HMCN2: variants seen among roughly 807,000 people sequenced by gnomAD.
HMCN2 encodes hemicentin-2.
A neutral mutation model predicts 377.5 loss-of-function variants in HMCN2; 325 were observed. The ratio of observed to expected loss-of-function variants is 0.86; its 90% CI spans 0.79 to 0.94. The LOEUF is 0.94. Ranked by LOEUF, HMCN2 falls within the 40% of genes least tolerant of loss-of-function variation. The probability of loss-of-function intolerance (pLI) is 0.00; values close to 1 mark genes in which losing one functional copy is unlikely to be tolerated. For synonymous variants in HMCN2, 2,007 were observed against 2,046.8 expected (o/e 0.98, Z 0.53); for missense variants, 4,543 against 4,725.3 (o/e 0.96, Z 1.13).
rs377271465 is a variant in HMCN2, at chr9:130,395,160, C to T, written c.10775-51C>T. 2.3e-4 allele frequency: 296 copies of T among 1,277,206 alleles called. No individual in the cohort carries two copies. In the African/African-American group the frequency reaches 2.8e-3, roughly 12 times the overall value. 79.1% of individuals were successfully genotyped at this position (1,277,206 alleles called of 1,614,324 possible). On this transcript the variant is annotated intron_variant, in intron 70 of 97. Coordinates refer to ENST00000683500, the MANE Select transcript of HMCN2 (RefSeq NM_001291815.2). ...AGGGCCGGGAGGCAGGACGGGCTCG[C>T]GGCAGGGGTGAGTCCCCCTCTCATA... is the stretch of plus-strand genomic sequence containing the variant.
At chr9:130,274,707 G>A (rs1293776721) in intron 1 of HMCN2, among the ~76,000 whole-genome samples, 1 of 152,120 alleles carries the variant, frequency 6.6e-6, no homozygotes, top group Non-Finnish European at 1.5e-5. Context: ...ATTCACTCGT[G>A]TTAAACATAC....
At chr9:130,401,809 C>T (rs1842864114) in intron 77 of HMCN2, among the ~76,000 whole-genome samples, 1 of 152,160 alleles carries the variant, frequency 6.6e-6, no homozygotes, top group Non-Finnish European at 1.5e-5. Context: ...CGCAGGGACT[C>T]ACGCCTGTAA....
At chr9:130,283,204 C>CCTG (rs1835226050) in intron 1 of HMCN2, among the ~76,000 whole-genome samples, 1 of 152,120 alleles carries the variant, frequency 6.6e-6, no homozygotes, top group Non-Finnish European at 1.5e-5. Flanking sequence ...GAACGCCAGC[C>CCTG]CTGCTGTCCA....
intron 1 of HMCN2, among the ~76,000 whole-genome samples, chr9:130,268,378 G>T (rs1834233908): frequency 8.0e-6 from 1 of 124,390 alleles, no homozygotes; most frequent in Non-Finnish European, 2.0e-5. Flanking sequence ...GACACCCCCA[G>T]GTTCAGACGT....
At chr9:130,377,263 G>A (rs147436980) in intron 52 of HMCN2, among the ~76,000 whole-genome samples, 6,366 of 152,084 alleles carry the variant, frequency 0.042, 233 homozygotes, top group African/African-American at 0.093. Context: ...ATAGGCGCCC[G>A]CCACCACGCC....
rs782384302 is a variant in HMCN2, at chr9:130,310,025, G to C, written c.2314G>C (p.Gly772Arg). Residue 772 changes from glycine to arginine, a missense_variant, in exon 15 of 98, where the codon GGT becomes CGT. Gly to Arg is a moderately radical substitution (Grantham distance 125). Around this residue, in one of 5 missense-constraint regions of HMCN2, gnomAD observed 547 missense variants for 189.9 expected, o/e 2.88. Transcript: ENST00000683500. ...CACCTGCCGGGCTGTCAATGAGTTGGGTGACGCCTCTGCAGAAATCCAGCT... is the reference window on the plus strand; with the variant it reads ...CACCTGCCGGGCTGTCAATGAGTTGCGTGACGCCTCTGCAGAAATCCAGCT... ...TYTCRAVNELGDASAEIQLAV... is the reference protein window; with the variant it reads ...TYTCRAVNELRDASAEIQLAV... The C allele has an allele frequency of 1.9e-6, 1 of 533,818 alleles. No individual in the cohort carries two copies. Among genetic ancestry groups the C allele is most frequent in the African/African-American group, 1.9e-5 (1 of 51,928 alleles). 33.1% of individuals were successfully genotyped at this position (533,818 alleles called of 1,614,324 possible).
rs1040663850 is a variant in HMCN2, at chr9:130,424,687, G to A, written c.13382-89G>A. On this transcript the variant is annotated intron_variant, in intron 87 of 97. Coordinates refer to ENST00000683500, the MANE Select transcript of HMCN2 (RefSeq NM_001291815.2). ...GGGAAGGGGCTGAGCTCTCCTGGGG[G>A]CAGTGGGGAGCCATGACGGGACCTT... is the stretch of plus-strand genomic sequence containing the variant. 6 of 1,361,298 alleles carry A rather than the reference G, an allele frequency of 4.4e-6. No individual in the cohort carries two copies. The South Asian group carries it at 6.7e-5, about 15-fold the overall frequency. The allele number at this position is 1,361,298 out of a possible 1,614,324, so 84.3% of individuals were successfully genotyped here.
chr9:130,362,341 G>A (rs933376834), intron 39 of HMCN2, among the ~76,000 whole-genome samples, 176 bp downstream of exon 39: 4 of 152,212 alleles, frequency 2.6e-5, no homozygotes, highest in African/African-American at 9.6e-5. Flanking sequence ...CAATGGTAAC[G>A]ATACATTCCA....
At position 130,433,526 on chromosome 9, in the gene HMCN2, C is replaced by T. The variant is rs548199955; in HGVS notation, c.15073C>T (p.Pro5025Ser). The T allele has an allele frequency of 1.2e-5, 17 of 1,473,456 alleles. No homozygotes were observed. In the African/African-American group the frequency reaches 2.4e-4, roughly 20 times the overall value. The allele number at this position is 1,473,456 out of a possible 1,614,324, so 91.3% of individuals were successfully genotyped here. Residue 5025 changes from proline (P) to serine (S), a missense_variant, in exon 98 of 98, where the codon CCC becomes TCC. By Grantham distance (74) the Pro-to-Ser change is moderately conservative (BLOSUM62 -1). Coordinates refer to ENST00000683500, the MANE Select transcript of HMCN2 (RefSeq NM_001291815.2). ...CGAGCTCAGCATGCTGGAGCCCGAC[C>T]CCCGCAGCCCCTTCGCGCTGCGTCC... ...RTELSMLEPDPRSPFALRPLR... is the reference protein window; with the variant it reads ...RTELSMLEPDSRSPFALRPLR...
intron 32 of HMCN2, among the ~76,000 whole-genome samples, chr9:130,355,344 G>C (rs992521978): frequency 6.6e-6 from 1 of 152,190 alleles, no homozygotes; most frequent in East Asian, 1.9e-4. Flanking sequence ...GGCCCTTTAC[G>C]GAGACTTTCC....
rs1053107897 is a variant in HMCN2, at chr9:130,393,870, C to T, written c.10363C>T (p.Pro3455Ser). The T allele has an allele frequency of 3.9e-6, 5 of 1,289,638 alleles. 1 individual carries two copies. Among genetic ancestry groups the T allele is most frequent in the South Asian group, 2.5e-5 (2 of 81,014 alleles). The allele number at this position is 1,289,638 out of a possible 1,614,324, so 79.9% of individuals were successfully genotyped here. A position where few individuals can be genotyped will look rare whatever the true frequency, so the allele number is the denominator to read the frequency against. ...CGTGTCGTGGATGAAGGATGGGGAA[C>T]CCTTGTTGTCCCAGAGCCTCGAGCA... ...PLVSWMKDGE[P>S]LLSQSLEQGP... The change falls in exon 68 of 98, where the codon CCC becomes TCC. Residue 3455 changes from proline (P) to serine (S), a missense_variant. This residue lies in a region of HMCN2 where 1,073 missense variants were observed against 1,319.5 expected (regional missense o/e 0.81). Coordinates refer to ENST00000683500, the MANE Select transcript of HMCN2 (RefSeq NM_001291815.2). This position sits in a 1 kb window ranked among gnomAD's most constrained non-coding sequence, Gnocchi z 5.2.
At chr9:130,383,002 C>T in intron 56 of HMCN2, 136 bp downstream of exon 56, 1 of 454,912 alleles carries the variant, frequency 2.2e-6, no homozygotes, top group Non-Finnish European at 2.9e-6. Flanking sequence ...AGCCAAGAAT[C>T]ACCTGTGAGG....
At chr9:130,311,338 G>A (rs1027106500) in intron 15 of HMCN2, among the ~76,000 whole-genome samples, 15 of 152,212 alleles carry the variant, frequency 9.9e-5, no homozygotes, top group Admixed American at 7.2e-4. Context: ...GGCCTGGGGG[G>A]GTTGTGCTGT....
chr9:130,332,384 C>T (rs943667717), intron 22 of HMCN2, among the ~76,000 whole-genome samples: 4 of 152,212 alleles, frequency 2.6e-5, no homozygotes, highest in East Asian at 1.9e-4. Context: ...ACCACACCTC[C>T]GGAGGCTCAG....
chr9:130,297,038 C>G (rs959407860), intron 7 of HMCN2, among the ~76,000 whole-genome samples: 4 of 152,218 alleles, frequency 2.6e-5, no homozygotes, highest in African/African-American at 9.6e-5. Context: ...TTAGAACATC[C>G]TCCGTGCCTC....
At position 130,433,926 on chromosome 9, in the gene HMCN2, C is replaced by A; in HGVS notation, c.*233C>A. ...GCCCTTGGGTGGCCAGTCCCGCAGG[C>A]AGGGCCCGGGGAAGCCCGGATCAGA... is the stretch of plus-strand genomic sequence containing the variant. On this transcript the variant is annotated 3_prime_UTR_variant, in exon 98 of 98. Transcript: ENST00000683500. 1 of 453,870 alleles carries A rather than the reference C, an allele frequency of 2.2e-6. No individual in the cohort carries two copies. The highest frequency in any genetic ancestry group is 3.8e-6 in the Non-Finnish European group (1 of 260,384). 28.1% of individuals were successfully genotyped at this position (453,870 alleles called of 1,614,324 possible).
At chr9:130,381,340 C>T (rs1564836558) in intron 54 of HMCN2, among the ~76,000 whole-genome samples, 1 of 152,126 alleles carries the variant, frequency 6.6e-6, no homozygotes, top group Non-Finnish European at 1.5e-5. Context: ...CCAACGCCAG[C>T]CCCCATAGAT....
chr9:130,301,873 T>A (rs1429767061), intron 8 of HMCN2, among the ~76,000 whole-genome samples: 2 of 152,150 alleles, frequency 1.3e-5, no homozygotes, highest in Admixed American at 6.5e-5. Flanking sequence ...TTCTCAGACT[T>A]CTCCATTGAA....
chr9:130,275,320 T>G (rs4837487), intron 1 of HMCN2, among the ~76,000 whole-genome samples: 120,650 of 152,152 alleles, frequency 0.79, 48,282 homozygotes, highest in African/African-American at 0.91. Context: ...GATGCAGGCG[T>G]GCAGAGCAGA....
Sources: allele counts gnomAD v4.1 joint callset (sites outside exome capture counted in the v4.1 genomes callset), GRCh38; gene constraint gnomAD v4.1.1; regional missense constraint gnomAD v4.1.1; non-coding constraint Gnocchi (gnomAD v3.1); transcripts MANE v1.5; gene names NCBI Gene and HGNC (gene_info 2026-07-23, HGNC 2026-07-21).